The following SMYD3 variants were observed in gnomAD, a reference collection of about 807,000 sequenced individuals.
SMYD3 encodes histone-lysine N-methyltransferase SMYD3.
Under a neutral mutation model 57.7 loss-of-function variants are expected in SMYD3, and 36 were observed. The ratio of observed to expected loss-of-function variants is 0.62; its 90% CI spans 0.48 to 0.82. The LOEUF is 0.82. Ranked by LOEUF, SMYD3 falls within the 40% of genes least tolerant of loss-of-function variation. The pLI is 0.00. For synonymous variants in SMYD3, 211 were observed against 195.0 expected, an observed-to-expected ratio of 1.08 and a Z score of -0.68; for missense variants, 515 against 538.8, an observed-to-expected ratio of 0.96 and a Z score of 0.44.
chr1:245,927,907 G>T (rs770403010), intron 7 of SMYD3, 24 bp downstream of exon 7: 23 of 1,586,880 alleles, frequency 1.4e-5, no homozygotes, highest in East Asian at 2.2e-5. Flanking sequence ...AGAAGGCCAG[G>T]CTGGGAAGCA....
chr1:246,309,466 G>A (rs1399364968), intron 5 of SMYD3, among the ~76,000 whole-genome samples: 1 of 152,186 alleles, frequency 6.6e-6, no homozygotes, highest in Non-Finnish European at 1.5e-5. Flanking sequence ...GCCTGAAAAT[G>A]AATGCCCCTG....
intron 1 of SMYD3, 143 bp downstream of exon 1, chr1:246,506,911 C>T (rs1013273362): frequency 2.5e-5 from 19 of 755,494 alleles, no homozygotes; most frequent in Middle Eastern, 4.2e-4. Context: ...CCCGGGCACA[C>T]GCGCGTCAGG....
At chr1:246,352,530 C>T (rs541388975) in intron 2 of SMYD3, among the ~76,000 whole-genome samples, 2 of 152,304 alleles carry the variant, frequency 1.3e-5, no homozygotes, top group South Asian at 4.1e-4. Flanking sequence ...CGCATATGTT[C>T]TGGCCAATCT....
chr1:246,125,077 A>ACACACCC (rs1553295580), intron 5 of SMYD3, among the ~76,000 whole-genome samples: 1 of 104,248 alleles, frequency 9.6e-6, no homozygotes, highest in Admixed American at 9.5e-5. Flanking sequence ...GTCTCAAAAA[A>ACACACCC]AAAAAAAAAA....
chr1:246,190,575 ACT>A (rs2062719308), intron 5 of SMYD3, among the ~76,000 whole-genome samples: 2 of 104,622 alleles, frequency 1.9e-5, no homozygotes, highest in Non-Finnish European at 3.7e-5. Context: ...ACAGAGTAAG[ACT>A]CTGTCTCAAA....
chr1:245,828,560 TAA>T (rs2049639985), intron 10 of SMYD3, among the ~76,000 whole-genome samples: 3 of 152,166 alleles, frequency 2.0e-5, no homozygotes, highest in Non-Finnish European at 4.4e-5. Flanking sequence ...AATAGACAAA[TAA>T]TAATTGTACA....
intron 1 of SMYD3, among the ~76,000 whole-genome samples, chr1:246,406,216 G>A (rs539467838): frequency 4.6e-5 from 7 of 152,114 alleles, no homozygotes; most frequent in Non-Finnish European, 5.9e-5. Flanking sequence ...GAGCCACCGC[G>A]CCCAGCCAAA....
At chr1:245,781,888 G>A (rs1163260168) in intron 10 of SMYD3, among the ~76,000 whole-genome samples, 2 of 152,096 alleles carry the variant, frequency 1.3e-5, no homozygotes, top group Non-Finnish European at 2.9e-5. Flanking sequence ...AGAATCACTT[G>A]AACCTGGGAG....
At chr1:246,317,415 G>T (rs1237019082) in intron 5 of SMYD3, among the ~76,000 whole-genome samples, 1 of 152,226 alleles carries the variant, frequency 6.6e-6, no homozygotes, top group East Asian at 1.9e-4. Flanking sequence ...GCAAATAAAG[G>T]CCCAGAGGCC....
At chr1:246,042,135 T>C (rs1194334721) in intron 5 of SMYD3, among the ~76,000 whole-genome samples, 1 of 152,232 alleles carries the variant, frequency 6.6e-6, no homozygotes, top group East Asian at 1.9e-4. Context: ...TCAAGTTTTC[T>C]GTGTGTTCTG....
At chr1:245,849,535 G>C (rs1034584642) in intron 10 of SMYD3, among the ~76,000 whole-genome samples, 1 of 152,156 alleles carries the variant, frequency 6.6e-6, no homozygotes, top group Non-Finnish European at 1.5e-5. Context: ...GTGTTGATCA[G>C]TGTACTTCTT....
chr1:245,957,954 T>C (rs182831609), intron 5 of SMYD3, among the ~76,000 whole-genome samples: 118 of 152,174 alleles, frequency 7.8e-4, no homozygotes, highest in African/African-American at 2.7e-3. Flanking sequence ...AAAATGTTAA[T>C]CTAATGTTAG....
At chr1:246,013,450 G>A (rs1411893462) in intron 5 of SMYD3, among the ~76,000 whole-genome samples, 2 of 152,154 alleles carry the variant, frequency 1.3e-5, no homozygotes, top group Non-Finnish European at 2.9e-5. Flanking sequence ...AAAGTGCTGG[G>A]GCTACAGGCA....
intron 5 of SMYD3, among the ~76,000 whole-genome samples, chr1:246,167,703 G>T (rs1036062281): frequency 4.6e-5 from 7 of 152,042 alleles, no homozygotes; most frequent in African/African-American, 1.2e-4. Flanking sequence ...GAGAGACAGG[G>T]TTTCTCCACG....
At chr1:246,220,457 C>T (rs2063235893) in intron 5 of SMYD3, among the ~76,000 whole-genome samples, 1 of 152,134 alleles carries the variant, frequency 6.6e-6, no homozygotes, top group Non-Finnish European at 1.5e-5. Context: ...GCTGACCAAA[C>T]CACAGCTGTG....
intron 5 of SMYD3, among the ~76,000 whole-genome samples, chr1:246,275,842 T>C (rs1473512554): frequency 6.6e-6 from 1 of 152,000 alleles, no homozygotes; most frequent in African/African-American, 2.4e-5. Context: ...ATGCCCATGT[T>C]TGAATACTAA....
At chr1:245,771,464 G>T (rs2046333475) in intron 10 of SMYD3, among the ~76,000 whole-genome samples, 1 of 152,168 alleles carries the variant, frequency 6.6e-6, no homozygotes, top group Non-Finnish European at 1.5e-5. Flanking sequence ...AAAAGATTTG[G>T]AATTTTACTA....
intron 5 of SMYD3, among the ~76,000 whole-genome samples, chr1:246,054,310 A>G (rs1338780078): frequency 6.6e-6 from 1 of 152,240 alleles, no homozygotes; most frequent in African/African-American, 2.4e-5. Flanking sequence ...ACTCTCATAT[A>G]CTACTGGGGG....
At position 246,322,687 on chromosome 1, in the gene SMYD3, C is replaced by A. The variant is rs544853121; in HGVS notation, c.531+4514G>T. On this transcript the variant is annotated intron_variant, in intron 5 of 11. Coordinates refer to ENST00000490107, the MANE Select transcript of SMYD3 (RefSeq NM_001167740.2). Reference sequence around the variant, plus strand: ...CTTTACACTTTTATCTCCGTTCAGCCACACACTCCCCAGGGAACATACAAT... The same window carrying A: ...CTTTACACTTTTATCTCCGTTCAGCAACACACTCCCCAGGGAACATACAAT... Among the ~76,000 whole-genome samples, 21 of 152,210 alleles carry A rather than the reference C, an allele frequency of 1.4e-4. No homozygotes were observed. The South Asian group carries it at 4.4e-3, about 32-fold the overall frequency.
Sources: allele counts gnomAD v4.1 joint callset (sites outside exome capture counted in the v4.1 genomes callset), GRCh38; gene constraint gnomAD v4.1.1; transcripts MANE v1.5; gene names NCBI Gene and HGNC (gene_info 2026-07-23, HGNC 2026-07-21).